ARHGAP5: variants seen among roughly 807,000 people sequenced by gnomAD.
ARHGAP5 encodes the protein rho GTPase-activating protein 5.
A neutral mutation model predicts 116.6 loss-of-function variants in ARHGAP5; 23 were observed. The observed-to-expected ratio is 0.20, with a 90% CI of 0.14 to 0.28. The LOEUF is 0.28. Ranked by LOEUF, ARHGAP5 falls within the 10% of genes least tolerant of loss-of-function variation. ARHGAP5 has a pLI of 1.00. For synonymous variants in ARHGAP5, 574 were observed against 602.0 expected (o/e 0.95, Z 0.68); for missense variants, 1,405 against 1,774.8 (o/e 0.79, Z 3.74).
intron 2 of ARHGAP5, among the ~76,000 whole-genome samples, chr14:32,112,607 T>C (rs1879368661): frequency 6.6e-6 from 1 of 152,210 alleles, no homozygotes; most frequent in Admixed American, 6.5e-5. Context: ...GCGCGGTGGC[T>C]CACGCCTATA....
intron 3 of ARHGAP5, among the ~76,000 whole-genome samples, chr14:32,133,751 C>A (rs902805307): frequency 1.2e-4 from 18 of 152,164 alleles, no homozygotes; most frequent in African/African-American, 4.1e-4. Flanking sequence ...TTTTGAGATA[C>A]ATCCCATCAA....
At chr14:32,139,049 T>G (rs966433325) in intron 3 of ARHGAP5, among the ~76,000 whole-genome samples, 1 of 152,194 alleles carries the variant, frequency 6.6e-6, no homozygotes, top group African/African-American at 2.4e-5. Context: ...CTTGCTTTTT[T>G]TGGATAAATC....
intron 3 of ARHGAP5, among the ~76,000 whole-genome samples, chr14:32,122,223 G>A (rs1879923581): frequency 6.6e-6 from 1 of 152,144 alleles, no homozygotes; most frequent in African/African-American, 2.4e-5. Context: ...GTGGTAATGT[G>A]AAATGTATCT....
chr14:32,077,513 C>T (rs1044732365), intron 1 of ARHGAP5, 78 bp downstream of exon 1: 2 of 650,862 alleles, frequency 3.1e-6, no homozygotes, highest in Non-Finnish European at 2.8e-6. Flanking sequence ...CTAGCTGCCC[C>T]GCTCGGTCGC....
chr14:32,142,978 C>G (rs1881195536), intron 3 of ARHGAP5, among the ~76,000 whole-genome samples: 1 of 152,152 alleles, frequency 6.6e-6, no homozygotes, highest in African/African-American at 2.4e-5. Flanking sequence ...CCTTGCATCT[C>G]TGTTACCCTT....
At chr14:32,133,050 G>C (rs1880588961) in intron 3 of ARHGAP5, among the ~76,000 whole-genome samples, 1 of 152,186 alleles carries the variant, frequency 6.6e-6, no homozygotes, top group South Asian at 2.1e-4. Context: ...TTTGACTTAG[G>C]ATTGACTTGG....
intron 3 of ARHGAP5, among the ~76,000 whole-genome samples, chr14:32,132,204 G>A (rs1338775101): frequency 1.3e-5 from 2 of 152,334 alleles, no homozygotes; most frequent in South Asian, 2.1e-4. Context: ...CCCACCAACA[G>A]TGTAAAAGTG....
Position 32,077,349 on chromosome 14 carries a change from G to T in ARHGAP5, c.-255G>T, listed in dbSNP as rs758634090. ...GAGTGGAGGAGGAGGCGGCGGCGGC[G>T]GGAGCGGTCCCCAGGAATGTCGCTG... On this transcript the variant is annotated 5_prime_UTR_variant, in exon 1 of 7. Transcript: ENST00000345122. 1.4e-6 allele frequency: 1 copy of T among 697,378 alleles called. No homozygotes were observed. The highest frequency in any genetic ancestry group is 1.5e-5 in the South Asian group (1 of 67,286). The allele number at this position is 697,378 out of a possible 1,614,324, so 43.2% of individuals were successfully genotyped here.
chr14:32,132,128 T>A (rs1025253946), intron 3 of ARHGAP5, among the ~76,000 whole-genome samples: 1 of 152,186 alleles, frequency 6.6e-6, no homozygotes, highest in Non-Finnish European at 1.5e-5. Flanking sequence ...TCAAATGGTA[T>A]TTCTAGTTCT....
chr14:32,133,067 A>G (rs559761852), intron 3 of ARHGAP5, among the ~76,000 whole-genome samples: 11 of 152,270 alleles, frequency 7.2e-5, no homozygotes, highest in South Asian at 4.1e-4. Context: ...TTGGCGATGC[A>G]GGCTCTTTTT....
chr14:32,101,912 G>C (rs1417829370), intron 2 of ARHGAP5, among the ~76,000 whole-genome samples: 1 of 152,162 alleles, frequency 6.6e-6, no homozygotes, highest in African/African-American at 2.4e-5. Context: ...GAACCCAGAA[G>C]GTGAAGGTTG....
At chr14:32,141,432 C>A (rs1881120538) in intron 3 of ARHGAP5, among the ~76,000 whole-genome samples, 3 of 152,140 alleles carry the variant, frequency 2.0e-5, no homozygotes, top group Admixed American at 2.0e-4. Context: ...TTGTTATTGT[C>A]AGAAATTACA....
chr14:32,125,015 T>C (rs535611240), intron 3 of ARHGAP5, among the ~76,000 whole-genome samples: 2 of 152,174 alleles, frequency 1.3e-5, no homozygotes, highest in African/African-American at 2.4e-5. Context: ...TGAGGTGCAA[T>C]TCATAAATAA....
intron 3 of ARHGAP5, among the ~76,000 whole-genome samples, chr14:32,133,313 G>T (rs1449745313): frequency 7.9e-5 from 12 of 152,148 alleles, no homozygotes; most frequent in African/African-American, 2.7e-4. Context: ...TCCCTTGTAA[G>T]TTGGATTCCT....
At chr14:32,134,432 G>A (rs1406720654) in intron 3 of ARHGAP5, among the ~76,000 whole-genome samples, 1 of 152,134 alleles carries the variant, frequency 6.6e-6, no homozygotes, top group Non-Finnish European at 1.5e-5. Context: ...GAAATGTCAA[G>A]TATCACCGCA....
At chr14:32,104,253 AT>A in intron 2 of ARHGAP5, among the ~76,000 whole-genome samples, 1 of 152,280 alleles carries the variant, frequency 6.6e-6, no homozygotes, top group African/African-American at 2.4e-5. Context: ...CTCCAGGTTT[AT>A]TTTTTGTTAA....
chr14:32,100,400 T>C (rs1308061919), intron 2 of ARHGAP5, among the ~76,000 whole-genome samples: 2 of 152,158 alleles, frequency 1.3e-5, no homozygotes, highest in Non-Finnish European at 2.9e-5. Context: ...GGTCTCACTA[T>C]GTTGCCCAGG....
chr14:32,125,708 A>C (rs1247189203), intron 3 of ARHGAP5, among the ~76,000 whole-genome samples: 2 of 152,220 alleles, frequency 1.3e-5, no homozygotes, highest in Non-Finnish European at 2.9e-5. Flanking sequence ...TTTAATCACT[A>C]AGTAGGTTAC....
intron 2 of ARHGAP5, among the ~76,000 whole-genome samples, chr14:32,114,864 T>G (rs976586158): frequency 6.6e-6 from 1 of 152,240 alleles, no homozygotes; most frequent in African/African-American, 2.4e-5. Flanking sequence ...TTTCAGGCAT[T>G]GAAAGCCCTG....
Sources: allele counts gnomAD v4.1 joint callset (sites outside exome capture counted in the v4.1 genomes callset), GRCh38; gene constraint gnomAD v4.1.1; transcripts MANE v1.5; gene names NCBI Gene and HGNC (gene_info 2026-07-23, HGNC 2026-07-21).